The following RMND5A variants were observed in gnomAD, a reference collection of about 807,000 sequenced individuals.
The protein encoded by RMND5A is required for meiotic nuclear division 5 homolog A, also known as E3 ubiquitin-protein transferase RMND5A.
Under a neutral mutation model 49.7 loss-of-function variants are expected in RMND5A, and 17 were observed. The observed-to-expected ratio is 0.34, with a 90% CI of 0.23 to 0.51. RMND5A has a LOEUF of 0.51. RMND5A is among the 20% of genes least tolerant of loss of function. RMND5A has a pLI of 0.96. For synonymous variants in RMND5A, 156 were observed against 167.7 expected (o/e 0.93, Z 0.54); for missense variants, 255 against 471.3 (o/e 0.54, Z 4.25).
intron 1 of RMND5A, among the ~76,000 whole-genome samples, chr2:86,723,994 T>C (rs1382172600): frequency 6.6e-6 from 1 of 152,126 alleles, no homozygotes; most frequent in Non-Finnish European, 1.5e-5. Flanking sequence ...ATGAGGATAG[T>C]ATGGGCTGGT....
At chr2:86,745,865 A>T (rs1681527899) in intron 2 of RMND5A, among the ~76,000 whole-genome samples, 1 of 152,178 alleles carries the variant, frequency 6.6e-6, no homozygotes, top group Non-Finnish European at 1.5e-5. Context: ...GTTTGGAAAA[A>T]GTTTTTACTC....
intron 2 of RMND5A, among the ~76,000 whole-genome samples, chr2:86,747,950 T>C (rs1457658154): frequency 1.3e-5 from 2 of 152,234 alleles, no homozygotes; most frequent in Non-Finnish European, 2.9e-5. Context: ...GGACACACCC[T>C]TGGATGTGTG....
intron 4 of RMND5A, among the ~76,000 whole-genome samples, chr2:86,761,162 A>G (rs1672481703): frequency 6.6e-6 from 1 of 152,158 alleles, no homozygotes; most frequent in African/African-American, 2.4e-5. Flanking sequence ...GGAAGCTGCT[A>G]TTGTGAGTAA....
intron 2 of RMND5A, among the ~76,000 whole-genome samples, chr2:86,741,875 G>C (rs1265244376): frequency 7.1e-6 from 1 of 140,492 alleles, no homozygotes; most frequent in Non-Finnish European, 1.6e-5. Flanking sequence ...TGTAGCAAAG[G>C]CATCTTCTAA....
chr2:86,754,813 G>A (rs1212396240), intron 4 of RMND5A, among the ~76,000 whole-genome samples: 1 of 151,970 alleles, frequency 6.6e-6, no homozygotes, highest in Non-Finnish European at 1.5e-5. Context: ...CTCCCACCTC[G>A]GCTTCCCAAA....
chr2:86,755,270 C>T (rs1681713601), intron 4 of RMND5A, among the ~76,000 whole-genome samples: 1 of 152,098 alleles, frequency 6.6e-6, no homozygotes, highest in Admixed American at 6.5e-5. Flanking sequence ...AGGTGCACAC[C>T]ACCACACCTG....
Position 86,777,243 on chromosome 2 carries a change from C to T in RMND5A, c.*3832C>T, listed in dbSNP as rs1672785029. 1 of 152,218 alleles carries T rather than the reference C, an allele frequency of 6.6e-6. No individual in the cohort carries two copies. Among genetic ancestry groups the T allele is most frequent in the African/African-American group, 2.4e-5 (1 of 41,450 alleles). 9.4% of individuals were successfully genotyped at this position (152,218 alleles called of 1,614,324 possible). A position where few individuals can be genotyped will look rare whatever the true frequency, so the allele number is the denominator to read the frequency against. ...TTGGCTTACAGCACATGCTTTGTTT[C>T]ATGTTATGGGTGAGGACCTACATAC... is the stretch of plus-strand genomic sequence containing the variant. On this transcript the variant is annotated 3_prime_UTR_variant, in exon 9 of 9. Coordinates refer to ENST00000283632, the MANE Select transcript of RMND5A (RefSeq NM_022780.4).
chr2:86,755,266 A>G (rs1261780318), intron 4 of RMND5A, among the ~76,000 whole-genome samples: 1 of 152,126 alleles, frequency 6.6e-6, no homozygotes, highest in Non-Finnish European at 1.5e-5. Flanking sequence ...CTACAGGTGC[A>G]CACCACCACA....
chr2:86,767,276 C>T (rs912739841), intron 6 of RMND5A, among the ~76,000 whole-genome samples: 7 of 152,178 alleles, frequency 4.6e-5, no homozygotes, highest in Non-Finnish European at 7.3e-5. Flanking sequence ...GTTGGCCATG[C>T]TGGTCTCGAA....
intron 4 of RMND5A, among the ~76,000 whole-genome samples, chr2:86,755,983 A>G (rs1286251386): frequency 6.6e-6 from 1 of 152,200 alleles, no homozygotes; most frequent in Admixed American, 6.5e-5. Flanking sequence ...CATCTTACAG[A>G]GAAGCAATTA....
intron 2 of RMND5A, among the ~76,000 whole-genome samples, chr2:86,749,352 T>C (rs1298435191): frequency 6.6e-6 from 1 of 152,198 alleles, no homozygotes. Flanking sequence ...GCATGGATGC[T>C]CTTGCTTTAG....
Position 86,757,503 on chromosome 2 carries a change from A to C in RMND5A, c.521+3945A>C, listed in dbSNP as rs542074426. ...CAGGAGAATTTAGAGCAAACTTGTC[A>C]TCCTCTTCCATGGTGGCAGATAGAA... is the stretch of plus-strand genomic sequence containing the variant. On this transcript the variant is annotated intron_variant, in intron 4 of 8. Coordinates refer to ENST00000283632, the MANE Select transcript of RMND5A (RefSeq NM_022780.4). Among the ~76,000 whole-genome samples the C allele has an allele frequency of 2.1e-3, 321 of 152,358 alleles. 1 individual carries two copies. The highest frequency in any genetic ancestry group is 3.7e-3 in the Non-Finnish European group (250 of 68,022).
rs970252550 is a variant in RMND5A at position 86,720,427 on chromosome 2, G to C, written c.-241G>C. On this transcript the variant is annotated 5_prime_UTR_variant, in exon 1 of 9. Transcript: ENST00000283632. ...GCGGGGCCTGGGGACGCGGAGCCGA[G>C]TGCAGCGAGCGAACGGGAGCAGCGG... 1.6e-5 allele frequency: 3 copies of C among 184,320 alleles called. No homozygotes were observed. The highest frequency in any genetic ancestry group is 3.3e-5 in the Non-Finnish European group (3 of 90,650). 11.4% of individuals were successfully genotyped at this position (184,320 alleles called of 1,614,324 possible).
At chr2:86,764,115 T>A (rs750615497) in intron 4 of RMND5A, among the ~76,000 whole-genome samples, 1 of 152,220 alleles carries the variant, frequency 6.6e-6, no homozygotes, top group Non-Finnish European at 1.5e-5. Context: ...GATTTTACTC[T>A]TGTGGTTTAT....
intron 2 of RMND5A, chr2:86,748,352 T>C (rs1681575092): frequency 6.6e-6 from 1 of 152,258 alleles, no homozygotes; most frequent in African/African-American, 2.4e-5. Flanking sequence ...CTTATCTACC[T>C]CAGTAGTTTA....
At position 86,740,704 on chromosome 2, in the gene RMND5A, C is replaced by A. The variant is rs542862550; in HGVS notation, c.143-223C>A. On this transcript the variant is annotated intron_variant, in intron 1 of 8. Coordinates refer to ENST00000283632, the MANE Select transcript of RMND5A (RefSeq NM_022780.4). ...GGTTGTTGTAATGATAAAAATGATT[C>A]CTTTCACAGTAAAATTTTCTTATTT... 1.3e-5 allele frequency among the ~76,000 whole-genome samples: 2 copies of A among 149,728 alleles called. 1 individual carries two copies. The highest frequency in any genetic ancestry group is 3.0e-5 in the Non-Finnish European group (2 of 67,184).
chr2:86,753,677 A>T (rs1681679116), intron 4 of RMND5A, 119 bp downstream of exon 4: 2 of 509,012 alleles, frequency 3.9e-6, no homozygotes, highest in Non-Finnish European at 6.9e-6. Context: ...GACTTCAGAG[A>T]AATCAAAGGA....
intron 4 of RMND5A, among the ~76,000 whole-genome samples, chr2:86,753,767 T>C (rs777159024): frequency 2.0e-5 from 3 of 152,210 alleles, no homozygotes; most frequent in Non-Finnish European, 4.4e-5. Context: ...ATTTCACTTA[T>C]CAGTTGGTCT....
At chr2:86,751,462 A>G (rs1681631706) in intron 2 of RMND5A, among the ~76,000 whole-genome samples, 1 of 152,174 alleles carries the variant, frequency 6.6e-6, no homozygotes, top group Admixed American at 6.5e-5. Context: ...AACCACTTTC[A>G]GCCTCAATAC....
Sources: allele counts gnomAD v4.1 joint callset (sites outside exome capture counted in the v4.1 genomes callset), GRCh38; gene constraint gnomAD v4.1.1; transcripts MANE v1.5; gene names NCBI Gene and HGNC (gene_info 2026-07-23, HGNC 2026-07-21).